ZFPM2: variants seen among roughly 807,000 people sequenced by gnomAD.
ZFPM2 encodes the protein zinc finger protein, FOG family member 2, also known as zinc finger protein ZFPM2.
Under a neutral mutation model 98.6 loss-of-function variants are expected in ZFPM2, and 20 were observed. The observed-to-expected ratio is 0.20, with a 90% CI of 0.14 to 0.29. The LOEUF is 0.29. Among genes scored for constraint, ZFPM2 ranks in the 10% least tolerant of loss-of-function variants. The pLI, the probability that ZFPM2 is intolerant of heterozygous loss-of-function variation, is 1.00. For missense variants in ZFPM2, 1,310 were observed against 1,388.6 expected (o/e 0.94, Z 0.90); for synonymous variants, 518 against 502.7 (o/e 1.03, Z -0.41).
intron 3 of ZFPM2, among the ~76,000 whole-genome samples, chr8:105,561,060 G>A (rs758955583): frequency 6.6e-6 from 1 of 152,146 alleles, no homozygotes; most frequent in Non-Finnish European, 1.5e-5. Context: ...CATTGGATCA[G>A]TGCTTTTTAA....
intron 3 of ZFPM2, among the ~76,000 whole-genome samples, chr8:105,451,227 C>A (rs1353763465): frequency 1.3e-5 from 2 of 152,108 alleles, no homozygotes; most frequent in Non-Finnish European, 2.9e-5. Context: ...ATAAATTTTC[C>A]TTGGACCTTT....
intron 5 of ZFPM2, chr8:105,782,425 A>G (rs1813277625): frequency 6.6e-6 from 1 of 152,224 alleles, no homozygotes; most frequent in Non-Finnish European, 1.5e-5. Context: ...TGCATTGAGG[A>G]CAAATAAATT....
chr8:105,547,509 T>C (rs1013729136), intron 3 of ZFPM2, among the ~76,000 whole-genome samples: 5 of 117,630 alleles, frequency 4.3e-5, no homozygotes, highest in Non-Finnish European at 7.9e-5. Flanking sequence ...ACCATTGCAC[T>C]CCAGCCTGGG....
intron 4 of ZFPM2, among the ~76,000 whole-genome samples, chr8:105,623,258 T>A (rs981959875): frequency 6.6e-6 from 1 of 152,188 alleles, no homozygotes; most frequent in African/African-American, 2.4e-5. Context: ...TCACAGCACC[T>A]ATGATATAGT....
At chr8:105,389,115 CAG>C (rs1811059015) in intron 1 of ZFPM2, among the ~76,000 whole-genome samples, 1 of 149,330 alleles carries the variant, frequency 6.7e-6, no homozygotes, top group African/African-American at 2.5e-5. Flanking sequence ...GCCCACTTAA[CAG>C]AGTGATGTGA....
In ZFPM2 at chr8:105,646,827, A is replaced by G. The variant is rs188942118; in HGVS notation, c.532+12470A>G. Among the ~76,000 whole-genome samples, 340 of 152,194 alleles carry G rather than the reference A, an allele frequency of 2.2e-3. 1 individual carries two copies. The highest frequency in any genetic ancestry group is 3.1e-3 in the Non-Finnish European group (210 of 68,016). Reference sequence around the variant, plus strand: ...AGTCCTGTCTCATTGTTGAGATTGTAGATGATCCCTTATTCTTCTAATTCA... The same window carrying G: ...AGTCCTGTCTCATTGTTGAGATTGTGGATGATCCCTTATTCTTCTAATTCA... On this transcript the variant is annotated intron_variant, in intron 5 of 7. Transcript: ENST00000407775.
chr8:105,381,715 C>CAT lies in ZFPM2; in HGVS notation c.41-37420_41-37419dup, dbSNP rs545325307. On this transcript the variant is annotated intron_variant, in intron 1 of 7. Coordinates refer to ENST00000407775, the MANE Select transcript of ZFPM2 (RefSeq NM_012082.4). Reference sequence around the variant, plus strand: ...GTGTGCTAAAATGTAAATGTTTTTGCATATATATATGAATATTTTCCCCAA... The same window carrying CAT: ...GTGTGCTAAAATGTAAATGTTTTTGCATATATATATATGAATATTTTCCCCAA... Among the ~76,000 whole-genome samples, 10 of 152,060 alleles carry CAT rather than the reference C, an allele frequency of 6.6e-5. No homozygotes were observed. The East Asian group carries it at 1.2e-3, about 18-fold the overall frequency.
At chr8:105,775,557 A>G (rs1206329451) in intron 5 of ZFPM2, among the ~76,000 whole-genome samples, 1 of 152,122 alleles carries the variant, frequency 6.6e-6, no homozygotes, top group East Asian at 1.9e-4. Flanking sequence ...TGGGAGTTAC[A>G]TCAGTTTATT....
intron 4 of ZFPM2, among the ~76,000 whole-genome samples, chr8:105,565,585 T>C (rs566066970): frequency 2.6e-5 from 4 of 152,162 alleles, no homozygotes; most frequent in Non-Finnish European, 5.9e-5. Context: ...CCATAACACA[T>C]GCTCCAGTCT....
intron 5 of ZFPM2, among the ~76,000 whole-genome samples, chr8:105,653,973 ATT>A (rs1817235645): frequency 6.9e-6 from 1 of 144,152 alleles, no homozygotes; most frequent in Non-Finnish European, 1.5e-5. Context: ...GGGAACACTT[ATT>A]GCTATTTGTC....
At chr8:105,373,518 T>TA (rs1810664354) in intron 1 of ZFPM2, among the ~76,000 whole-genome samples, 1 of 152,208 alleles carries the variant, frequency 6.6e-6, no homozygotes, top group Non-Finnish European at 1.5e-5. Flanking sequence ...CTCTGGGCCT[T>TA]ACAGTCATCA....
chr8:105,711,911 A>G (rs559374750), intron 5 of ZFPM2, among the ~76,000 whole-genome samples: 6 of 152,174 alleles, frequency 3.9e-5, no homozygotes, highest in African/African-American at 1.4e-4. Flanking sequence ...GGTTTTATAT[A>G]TATCTATTGT....
chr8:105,644,941 C>T (rs1367328744), intron 5 of ZFPM2, among the ~76,000 whole-genome samples: 1 of 152,154 alleles, frequency 6.6e-6, no homozygotes, highest in Non-Finnish European at 1.5e-5. Context: ...TTTGGGGAGA[C>T]ATAAACATTC....
intron 5 of ZFPM2, among the ~76,000 whole-genome samples, chr8:105,640,040 G>A (rs1816921420): frequency 6.6e-6 from 1 of 151,902 alleles, no homozygotes; most frequent in Admixed American, 6.6e-5. Flanking sequence ...TCTAGACACT[G>A]TTCTAATCAC....
chr8:105,543,741 C>T (rs559754789), intron 3 of ZFPM2, among the ~76,000 whole-genome samples: 3 of 152,052 alleles, frequency 2.0e-5, no homozygotes, highest in Non-Finnish European at 4.4e-5. Flanking sequence ...CCATTCCTTC[C>T]TTCTTTTGTG....
chr8:105,487,952 A>G (rs1445707424), intron 3 of ZFPM2, among the ~76,000 whole-genome samples: 1 of 140,490 alleles, frequency 7.1e-6, no homozygotes, highest in African/African-American at 2.7e-5. Flanking sequence ...CTAGCTAGCT[A>G]TCTGTCATGT....
At chr8:105,476,174 T>C (rs1051271974) in intron 3 of ZFPM2, among the ~76,000 whole-genome samples, 2 of 152,126 alleles carry the variant, frequency 1.3e-5, no homozygotes, top group African/African-American at 2.4e-5. Context: ...TTTGATGACC[T>C]CCCCATTACT....
intron 5 of ZFPM2, among the ~76,000 whole-genome samples, chr8:105,724,111 A>AG (rs1408455194): frequency 9.9e-5 from 15 of 151,966 alleles, no homozygotes; most frequent in Middle Eastern, 6.8e-3. Context: ...GATTAAAAAA[A>AG]TCATATTAGA....
At chr8:105,380,652 T>TAAC (rs1810838630) in intron 1 of ZFPM2, among the ~76,000 whole-genome samples, 3 of 30,968 alleles carry the variant, frequency 9.7e-5, no homozygotes, top group Non-Finnish European at 1.5e-4. Flanking sequence ...ATATTATATA[T>TAAC]ATATATTATA....
Sources: gnomAD v4.1 joint callset for allele counts (sites outside exome capture counted in the v4.1 genomes callset) on GRCh38, gnomAD v4.1.1 for gene constraint, MANE v1.5 for transcripts, NCBI Gene and HGNC (gene_info 2026-07-23, HGNC 2026-07-21) for gene names.